The following PBX3 variants were observed in gnomAD, a reference collection of about 807,000 sequenced individuals.
PBX3 encodes the protein pre-B-cell leukemia transcription factor 3.
A neutral mutation model predicts 48.5 loss-of-function variants in PBX3; 14 were observed. That is an observed-to-expected ratio of 0.29 (90% CI 0.19 to 0.45). The LOEUF is 0.45. Ranked by LOEUF, PBX3 falls within the 20% of genes least tolerant of loss-of-function variation. The pLI, the probability that PBX3 is intolerant of heterozygous loss-of-function variation, is 1.00. For synonymous variants in PBX3, 210 were observed against 200.3 expected (o/e 1.05, Z -0.41); for missense variants, 386 against 546.7 (o/e 0.71, Z 2.93).
intron 3 of PBX3, among the ~76,000 whole-genome samples, chr9:125,920,197 C>G (rs533363636): frequency 6.6e-6 from 1 of 152,312 alleles, no homozygotes; most frequent in Admixed American, 6.5e-5. Context: ...TCTTATAGTA[C>G]TTCGTCTTGG....
chr9:125,938,750 C>T (rs1357663310), intron 5 of PBX3, among the ~76,000 whole-genome samples: 3 of 152,136 alleles, frequency 2.0e-5, no homozygotes, highest in African/African-American at 7.2e-5. Flanking sequence ...CAAGTAATTG[C>T]AATACTTTAC....
At chr9:125,936,445 C>G (rs1303788531) in intron 5 of PBX3, among the ~76,000 whole-genome samples, 1 of 152,144 alleles carries the variant, frequency 6.6e-6, no homozygotes, top group East Asian at 1.9e-4. Context: ...TGTAGTGAAA[C>G]TTAAGGAAAA....
chr9:125,786,485 T>C (rs1178444129), intron 2 of PBX3, among the ~76,000 whole-genome samples: 1 of 152,166 alleles, frequency 6.6e-6, no homozygotes, highest in East Asian at 1.9e-4. Flanking sequence ...TAGGAGGTGA[T>C]ATAAGGTGAA....
At chr9:125,866,390 T>C (rs1839981560) in intron 2 of PBX3, among the ~76,000 whole-genome samples, 1 of 152,236 alleles carries the variant, frequency 6.6e-6, no homozygotes, top group Non-Finnish European at 1.5e-5. Flanking sequence ...TTATTCTAAC[T>C]AGAAGTGAAA....
intron 2 of PBX3, among the ~76,000 whole-genome samples, chr9:125,772,130 C>T (rs756464907): frequency 5.3e-5 from 8 of 152,168 alleles, no homozygotes; most frequent in Admixed American, 1.3e-4. Context: ...AGGGCAGTTA[C>T]GTGTCTGGGA....
intron 2 of PBX3, among the ~76,000 whole-genome samples, chr9:125,842,454 T>C (rs552651011): frequency 1.3e-5 from 2 of 152,278 alleles, no homozygotes; most frequent in South Asian, 4.1e-4. Flanking sequence ...TTAGGAGAAA[T>C]CTGCACACCC....
intron 2 of PBX3, among the ~76,000 whole-genome samples, chr9:125,851,272 G>A (rs1240696563): frequency 6.6e-6 from 1 of 152,050 alleles, no homozygotes; most frequent in East Asian, 1.9e-4. Flanking sequence ...AATAATTGCT[G>A]TGTTAATTAG....
At chr9:125,803,081 C>G (rs1222784489) in intron 2 of PBX3, among the ~76,000 whole-genome samples, 1 of 150,072 alleles carries the variant, frequency 6.7e-6, no homozygotes, top group Non-Finnish European at 1.5e-5. Flanking sequence ...GTGATTTTTC[C>G]CACTAATGTC....
intron 2 of PBX3, among the ~76,000 whole-genome samples, chr9:125,792,277 A>G (rs962862785): frequency 2.0e-5 from 3 of 152,160 alleles, no homozygotes; most frequent in African/African-American, 7.2e-5. Context: ...TTGGTAGAGG[A>G]AACAGCATTT....
chr9:125,891,248 A>G (rs76533875), intron 2 of PBX3, among the ~76,000 whole-genome samples: 3,048 of 152,328 alleles, frequency 0.02, 174 homozygotes, highest in East Asian at 0.17. Flanking sequence ...TTCCCATATA[A>G]TACATATTTT....
At chr9:125,916,967 C>T (rs1024180718) in intron 3 of PBX3, among the ~76,000 whole-genome samples, 7 of 152,146 alleles carry the variant, frequency 4.6e-5, no homozygotes, top group Non-Finnish European at 1.0e-4. Context: ...TCATAGAGTT[C>T]AACCCCAAAT....
chr9:125,875,609 A>G (rs1050879505), intron 2 of PBX3, among the ~76,000 whole-genome samples: 1 of 152,144 alleles, frequency 6.6e-6, no homozygotes, highest in Non-Finnish European at 1.5e-5. Flanking sequence ...ATAACCTACC[A>G]ACTAGAATTC....
At chr9:125,924,092 A>C (rs1454884629) in intron 3 of PBX3, among the ~76,000 whole-genome samples, 1 of 151,060 alleles carries the variant, frequency 6.6e-6, no homozygotes, top group Non-Finnish European at 1.5e-5. Context: ...CTGGTCTTGA[A>C]CTCCTGGGCT....
At chr9:125,819,497 C>T (rs1413062835) in intron 2 of PBX3, among the ~76,000 whole-genome samples, 1 of 151,838 alleles carries the variant, frequency 6.6e-6, no homozygotes, top group Non-Finnish European at 1.5e-5. Flanking sequence ...TGCACTCCAG[C>T]CTGGGCAACA....
At chr9:125,919,874 G>C (rs923715484) in intron 3 of PBX3, among the ~76,000 whole-genome samples, 4 of 152,314 alleles carry the variant, frequency 2.6e-5, no homozygotes, top group Admixed American at 2.0e-4. Flanking sequence ...TTAAATCCAA[G>C]CTGCAAGGCT....
intron 2 of PBX3, among the ~76,000 whole-genome samples, chr9:125,889,023 A>G (rs1588262808): frequency 6.6e-6 from 1 of 152,192 alleles, no homozygotes; most frequent in African/African-American, 2.4e-5. Flanking sequence ...AGGTATTCTC[A>G]CCCACAGCAG....
chr9:125,914,510 G>C (rs929563731), intron 2 of PBX3, among the ~76,000 whole-genome samples: 9 of 152,090 alleles, frequency 5.9e-5, no homozygotes, highest in African/African-American at 2.2e-4. Flanking sequence ...ATCAGAGTTG[G>C]TGATCAGTTG....
At chr9:125,804,054 A>G (rs1480610211) in intron 2 of PBX3, among the ~76,000 whole-genome samples, 1 of 152,180 alleles carries the variant, frequency 6.6e-6, no homozygotes, top group Non-Finnish European at 1.5e-5. Context: ...TAGCTTCTTC[A>G]TCTCTTGCTA....
intron 5 of PBX3, among the ~76,000 whole-genome samples, chr9:125,945,620 A>G (rs1308349225): frequency 1.3e-5 from 2 of 152,154 alleles, no homozygotes; most frequent in Non-Finnish European, 2.9e-5. Flanking sequence ...ATTCACCCTT[A>G]TATTCTCAAG....
Sources: gnomAD v4.1 joint callset for allele counts (sites outside exome capture counted in the v4.1 genomes callset) on GRCh38, gnomAD v4.1.1 for gene constraint, MANE v1.5 for transcripts, NCBI Gene and HGNC (gene_info 2026-07-23, HGNC 2026-07-21) for gene names.